The following NAV3 variants were observed in gnomAD, a reference collection of about 807,000 sequenced individuals.
The protein encoded by NAV3 is neuron navigator 3.
Under a neutral mutation model 244.7 loss-of-function variants are expected in NAV3, and 87 were observed. That is an observed-to-expected ratio of 0.36 (90% confidence interval 0.30 to 0.42). The LOEUF (loss-of-function observed/expected upper bound fraction) is 0.42. Among genes scored for constraint, NAV3 ranks in the 20% least tolerant of loss-of-function variants. The pLI, the probability that NAV3 is intolerant of heterozygous loss-of-function variation, is 1.00. For synonymous variants in NAV3, 1,126 were observed against 1,042.2 expected, an observed-to-expected ratio of 1.08 and a Z score of -1.55; for missense variants, 2,663 against 2,893.3, an observed-to-expected ratio of 0.92 and a Z score of 1.83.
chr12:78,020,973 A>C (rs12320384), intron 8 of NAV3, among the ~76,000 whole-genome samples: 3,772 of 152,212 alleles, frequency 0.025, 148 homozygotes, highest in African/African-American at 0.082. Flanking sequence ...AATGTGTGTT[A>C]GTTTGTGTCA....
intron 2 of NAV3, among the ~76,000 whole-genome samples, chr12:77,677,824 G>A (rs1448850423): frequency 1.3e-5 from 2 of 152,122 alleles, no homozygotes; most frequent in Admixed American, 6.6e-5. Flanking sequence ...AATACATTGC[G>A]CTGTTCAAAA....
intron 2 of NAV3, among the ~76,000 whole-genome samples, chr12:77,683,376 G>GT (rs111255895): frequency 0.012 from 1,862 of 150,494 alleles, 23 homozygotes; most frequent in Non-Finnish European, 0.018. Context: ...CTTTGTATGT[G>GT]TTTTTTTTTG....
intron 2 of NAV3, among the ~76,000 whole-genome samples, chr12:77,649,304 G>A (rs1872726879): frequency 6.6e-6 from 1 of 152,098 alleles, no homozygotes; most frequent in Non-Finnish European, 1.5e-5. Context: ...CAGTCTTATA[G>A]TATTTGCGTA....
At chr12:78,097,535 G>A (rs1395439360) in intron 12 of NAV3, among the ~76,000 whole-genome samples, 5 of 152,238 alleles carry the variant, frequency 3.3e-5, no homozygotes, top group Admixed American at 2.6e-4. Context: ...TTAAAGCAAT[G>A]TTCCTCACCA....
intron 5 of NAV3, among the ~76,000 whole-genome samples, chr12:77,982,202 G>A (rs1337662842): frequency 2.0e-5 from 3 of 152,032 alleles, no homozygotes; most frequent in Non-Finnish European, 2.9e-5. Context: ...CAGAGTCAAT[G>A]CATAACATAT....
chr12:78,078,494 C>T (rs923040556), intron 12 of NAV3, among the ~76,000 whole-genome samples: 3 of 144,160 alleles, frequency 2.1e-5, no homozygotes, highest in Non-Finnish European at 4.6e-5. Context: ...CTCCCGGGTT[C>T]ACGCCATTCT....
At chr12:77,694,212 A>C (rs531246201) in intron 2 of NAV3, among the ~76,000 whole-genome samples, 1 of 152,028 alleles carries the variant, frequency 6.6e-6, no homozygotes, top group African/African-American at 2.4e-5. Flanking sequence ...CATGCCTGTA[A>C]TCCCAGCACT....
chr12:78,022,015 A>G (rs1877242322), intron 9 of NAV3, among the ~76,000 whole-genome samples, 153 bp downstream of exon 9: 1 of 152,178 alleles, frequency 6.6e-6, no homozygotes, highest in African/African-American at 2.4e-5. Context: ...CTATTTGGCT[A>G]TTCTGCTTAG....
intron 2 of NAV3, among the ~76,000 whole-genome samples, chr12:77,743,641 C>A (rs1263168271): frequency 6.6e-6 from 1 of 151,698 alleles, no homozygotes; most frequent in Non-Finnish European, 1.5e-5. Context: ...GAATAAACTG[C>A]TGATATCCAT....
At chr12:77,970,053 C>A (rs1214930014) in intron 5 of NAV3, among the ~76,000 whole-genome samples, 1 of 152,112 alleles carries the variant, frequency 6.6e-6, no homozygotes, top group Non-Finnish European at 1.5e-5. Flanking sequence ...AATGAAGTTT[C>A]ACTTAACAAC....
chr12:77,621,362 G>A (rs1372682256), intron 2 of NAV3, among the ~76,000 whole-genome samples: 1 of 151,996 alleles, frequency 6.6e-6, no homozygotes. Context: ...TCTGAGAAAT[G>A]AACCACTGTG....
At chr12:77,901,592 C>T (rs1196652390) in intron 1 of NAV3, among the ~76,000 whole-genome samples, 1 of 152,268 alleles carries the variant, frequency 6.6e-6, no homozygotes, top group Admixed American at 6.5e-5. Context: ...TGCCTGTAAT[C>T]CCAGCCACTT....
intron 22 of NAV3, among the ~76,000 whole-genome samples, chr12:78,154,267 G>C (rs1213942685): frequency 2.2e-4 from 16 of 72,656 alleles, no homozygotes; most frequent in Non-Finnish European, 2.9e-4. Context: ...ATAATATATA[G>C]TATATATTAC....
chr12:78,178,369 C>T (rs886130664), intron 28 of NAV3, among the ~76,000 whole-genome samples: 1 of 151,872 alleles, frequency 6.6e-6, no homozygotes, highest in Non-Finnish European at 1.5e-5. Flanking sequence ...CCATGTTGGC[C>T]AGGCTGGTCT....
At chr12:77,733,748 G>C (rs1192070730) in intron 2 of NAV3, among the ~76,000 whole-genome samples, 1 of 151,410 alleles carries the variant, frequency 6.6e-6, no homozygotes. Flanking sequence ...GATACTGTGA[G>C]TAGTTTCAAG....
chr12:77,733,535 T>C (rs528466028), intron 2 of NAV3, among the ~76,000 whole-genome samples: 3 of 152,140 alleles, frequency 2.0e-5, no homozygotes, highest in Admixed American at 2.0e-4. Flanking sequence ...GTTGCAACCA[T>C]CTCAGAGAGA....
chr12:78,160,209 G>A (rs745726814), intron 23 of NAV3, among the ~76,000 whole-genome samples: 15 of 152,134 alleles, frequency 9.9e-5, no homozygotes, highest in African/African-American at 1.4e-4. Flanking sequence ...AGAAAGGAAC[G>A]GAGAATTTAG....
intron 2 of NAV3, among the ~76,000 whole-genome samples, chr12:77,639,497 G>T (rs977806880): frequency 6.6e-6 from 1 of 152,142 alleles, no homozygotes; most frequent in Non-Finnish European, 1.5e-5. Flanking sequence ...AATTGTATGA[G>T]AACAGAGATT....
At chr12:78,005,636 A>G (rs1230098613) in intron 7 of NAV3, among the ~76,000 whole-genome samples, 1 of 152,240 alleles carries the variant, frequency 6.6e-6, no homozygotes, top group Non-Finnish European at 1.5e-5. Context: ...TTGACATTCC[A>G]AGAAAATTAT....
Sources: allele counts gnomAD v4.1 joint callset (sites outside exome capture counted in the v4.1 genomes callset), GRCh38; gene constraint gnomAD v4.1.1; transcripts MANE v1.5; gene names NCBI Gene and HGNC (gene_info 2026-07-23, HGNC 2026-07-21).